FOXJ3: variants seen among roughly 807,000 people sequenced by gnomAD.
The protein encoded by FOXJ3 is forkhead box protein J3.
Under a neutral mutation model 76.1 loss-of-function variants are expected in FOXJ3, and 22 were observed. The ratio of observed to expected loss-of-function variants is 0.29; its 90% confidence interval spans 0.21 to 0.41. The LOEUF (loss-of-function observed/expected upper bound fraction) is 0.41. FOXJ3 is among the 10% of genes least tolerant of loss of function. The pLI is 1.00. For synonymous variants in FOXJ3, 269 were observed against 261.2 expected, an observed-to-expected ratio of 1.03 and a Z score of -0.29; for missense variants, 613 against 762.1, an observed-to-expected ratio of 0.80 and a Z score of 2.30.
At chr1:42,311,220 CTAAAGAA>C in intron 1 of FOXJ3, 110 bp from the exon 2 acceptor site, 2 of 662,768 alleles carry the variant, frequency 3.0e-6, no homozygotes, top group Non-Finnish European at 5.0e-6. Flanking sequence ...GAATGTTCTA[CTAAAGAA>C]TTCTACTAAA....
intron 6 of FOXJ3, among the ~76,000 whole-genome samples, chr1:42,201,772 C>T (rs1005876678): frequency 2.0e-5 from 3 of 152,048 alleles, no homozygotes; most frequent in Non-Finnish European, 4.4e-5. Context: ...TAAAATTCTC[C>T]TGAAGTGTTT....
chr1:42,212,288 CAAA>C (rs1482322761), intron 5 of FOXJ3, among the ~76,000 whole-genome samples: 1 of 151,586 alleles, frequency 6.6e-6, no homozygotes, highest in African/African-American at 2.4e-5. Context: ...TGAGTTTACT[CAAA>C]GAAATACAAG....
intron 1 of FOXJ3, among the ~76,000 whole-genome samples, chr1:42,313,737 G>A (rs575089525): frequency 2.0e-5 from 3 of 152,228 alleles, no homozygotes; most frequent in East Asian, 3.9e-4. Flanking sequence ...GGAACCTGGC[G>A]CTAAACCACT....
At chr1:42,200,474 A>ATTTTCTCTTT (rs1442959857) in intron 6 of FOXJ3, among the ~76,000 whole-genome samples, 5 of 151,384 alleles carry the variant, frequency 3.3e-5, no homozygotes, top group Non-Finnish European at 7.4e-5. Flanking sequence ...TTTCTTCAAT[A>ATTTTCTCTTT]TTTTCTCTTT....
chr1:42,291,358 A>AAC (rs1653426945), intron 2 of FOXJ3, among the ~76,000 whole-genome samples: 1 of 152,218 alleles, frequency 6.6e-6, no homozygotes, highest in Admixed American at 6.5e-5. Context: ...TGACACCAAA[A>AAC]GCAATCACAG....
chr1:42,291,083 T>C (rs12069316), intron 2 of FOXJ3, among the ~76,000 whole-genome samples: 103,511 of 125,970 alleles, frequency 0.82, 42,912 homozygotes, highest in South Asian at 0.88. Flanking sequence ...GATAGATAGA[T>C]AGACAGACAG....
chr1:42,330,792 C>A (rs533467450), intron 1 of FOXJ3, among the ~76,000 whole-genome samples: 1 of 152,302 alleles, frequency 6.6e-6, no homozygotes, highest in African/African-American at 2.4e-5. Flanking sequence ...GAAGACCTAC[C>A]TGCTCCACCA....
intron 4 of FOXJ3, among the ~76,000 whole-genome samples, chr1:42,240,103 T>A (rs921725968): frequency 6.6e-5 from 10 of 152,144 alleles, no homozygotes; most frequent in Non-Finnish European, 1.3e-4. Context: ...CAATATAAGG[T>A]CAGATATTGG....
chr1:42,179,574 AT>A lies in FOXJ3; in HGVS notation c.*135del, dbSNP rs1441203808. ...AAGTTATCCAGCTAAAATCCTTCTG[AT>A]TGTCTTCAAAAGTAATTTTGATAAC... On this transcript the variant is annotated 3_prime_UTR_variant, in exon 13 of 13. Transcript: ENST00000361346. 3.5e-6 allele frequency: 2 copies of A among 573,300 alleles called. No homozygotes were observed. The highest frequency in any genetic ancestry group is 6.3e-6 in the Non-Finnish European group (2 of 317,846). 35.5% of individuals were successfully genotyped at this position (573,300 alleles called of 1,614,324 possible).
At chr1:42,199,885 T>A (rs1390807193) in intron 6 of FOXJ3, among the ~76,000 whole-genome samples, 1 of 151,534 alleles carries the variant, frequency 6.6e-6, no homozygotes, top group African/African-American at 2.4e-5. Flanking sequence ...AGTATTATAA[T>A]TTTTAATTAG....
At chr1:42,300,164 C>T (rs994370425) in intron 2 of FOXJ3, among the ~76,000 whole-genome samples, 1 of 152,068 alleles carries the variant, frequency 6.6e-6, no homozygotes, top group Admixed American at 6.5e-5. Flanking sequence ...CGTGCCACTA[C>T]ACTCCAGCCT....
chr1:42,198,379 G>A (rs970214096), intron 7 of FOXJ3, among the ~76,000 whole-genome samples: 3 of 151,312 alleles, frequency 2.0e-5, no homozygotes, highest in African/African-American at 7.3e-5. Context: ...TTATATCTTT[G>A]TCCCGTGTAA....
chr1:42,251,496 G>A (rs1650043553), intron 4 of FOXJ3, among the ~76,000 whole-genome samples: 1 of 152,160 alleles, frequency 6.6e-6, no homozygotes, highest in East Asian at 1.9e-4. Context: ...CAGATGGAGA[G>A]TTTTTAGCAT....
At chr1:42,207,734 C>G (rs1198021159) in intron 5 of FOXJ3, among the ~76,000 whole-genome samples, 1 of 152,140 alleles carries the variant, frequency 6.6e-6, no homozygotes, top group East Asian at 1.9e-4. Context: ...TTTTCTCATT[C>G]CAGATAATCT....
At chr1:42,241,638 G>T (rs557067784) in intron 4 of FOXJ3, among the ~76,000 whole-genome samples, 1 of 152,288 alleles carries the variant, frequency 6.6e-6, no homozygotes, top group Admixed American at 6.5e-5. Flanking sequence ...TCTGGGGAAT[G>T]GCCCTCCCAC....
chr1:42,222,119 T>C (rs1157660195), intron 5 of FOXJ3, among the ~76,000 whole-genome samples: 2 of 128,722 alleles, frequency 1.6e-5, no homozygotes, highest in Non-Finnish European at 3.4e-5. Flanking sequence ...AAATAAAAAG[T>C]TGAAAAATAA....
At chr1:42,218,270 G>T (rs114170467) in intron 5 of FOXJ3, among the ~76,000 whole-genome samples, 1 of 152,156 alleles carries the variant, frequency 6.6e-6, no homozygotes, top group East Asian at 1.9e-4. Context: ...ACAAATAACA[G>T]CATGACAACA....
intron 6 of FOXJ3, among the ~76,000 whole-genome samples, chr1:42,204,373 T>C (rs1021403969): frequency 2.0e-5 from 3 of 152,152 alleles, no homozygotes; most frequent in Non-Finnish European, 4.4e-5. Flanking sequence ...ACCAGTATTC[T>C]GTCATATCTG....
intron 5 of FOXJ3, among the ~76,000 whole-genome samples, chr1:42,213,903 T>C (rs976115091): frequency 6.6e-6 from 1 of 152,190 alleles, no homozygotes; most frequent in African/African-American, 2.4e-5. Context: ...TATTTCAAAA[T>C]AGCTGAGAGG....
Sources: allele counts gnomAD v4.1 joint callset (sites outside exome capture counted in the v4.1 genomes callset), GRCh38; gene constraint gnomAD v4.1.1; transcripts MANE v1.5; gene names NCBI Gene and HGNC (gene_info 2026-07-23, HGNC 2026-07-21).